The following PRRG1 variants were observed in gnomAD, a reference collection of about 807,000 sequenced individuals.
PRRG1 encodes proline rich and Gla domain 1.
In PRRG1, 5 loss-of-function variants were observed where a neutral mutation model predicts 11.8. That is an observed-to-expected ratio of 0.42 (90% CI 0.22 to 0.89). The LOEUF is 0.89. PRRG1 is among the 40% of genes least tolerant of loss of function. The probability of loss-of-function intolerance (pLI) is 0.28; values close to 1 mark genes in which losing one functional copy is unlikely to be tolerated. For missense variants in PRRG1, 155 were observed against 166.1 expected, an observed-to-expected ratio of 0.93 and a Z score of 0.37; for synonymous variants, 66 against 60.4, an observed-to-expected ratio of 1.09 and a Z score of -0.43.
intron 1 of PRRG1, among the ~76,000 whole-genome samples, chrX:37,403,270 C>T (rs1458393038): frequency 2.7e-5 from 3 of 109,848 alleles, no homozygotes; most frequent in African/African-American, 6.6e-5. Flanking sequence ...GAAAATGTGG[C>T]ACATATACAC....
intron 1 of PRRG1, among the ~76,000 whole-genome samples, chrX:37,354,048 C>A (rs1348983887): frequency 8.9e-6 from 1 of 112,446 alleles, no homozygotes; most frequent in African/African-American, 3.2e-5. Context: ...AGCTCCAGTT[C>A]TGTATTTGTA....
intron 3 of PRRG1, among the ~76,000 whole-genome samples, chrX:37,430,017 TC>T (rs1235313053): frequency 9.0e-6 from 1 of 111,346 alleles, no homozygotes; most frequent in Non-Finnish European, 1.9e-5. Context: ...TTCAATTACC[TC>T]CCCCAGGCCC....
intron 1 of PRRG1, among the ~76,000 whole-genome samples, chrX:37,401,330 A>G (rs1931968407): frequency 9.0e-6 from 1 of 111,250 alleles, no homozygotes; most frequent in Non-Finnish European, 1.9e-5. Flanking sequence ...CTGGTTCAAT[A>G]TACGCAAATC....
chrX:37,410,313 A>G (rs1932317954), intron 2 of PRRG1, among the ~76,000 whole-genome samples: 1 of 112,081 alleles, frequency 8.9e-6, no homozygotes, highest in Non-Finnish European at 1.9e-5. Context: ...TGAGGCTCAT[A>G]AGAAAAAGTC....
chrX:37,381,149 C>G (rs782206767), intron 1 of PRRG1, among the ~76,000 whole-genome samples: 1 of 111,591 alleles, frequency 9.0e-6, no homozygotes, highest in South Asian at 3.8e-4. Flanking sequence ...GAGTGACCAT[C>G]TGACATTGGT....
intron 1 of PRRG1, among the ~76,000 whole-genome samples, chrX:37,367,338 TCTA>T (rs782595530): frequency 4.8e-4 from 54 of 112,605 alleles, no homozygotes; most frequent in African/African-American, 1.6e-3. Context: ...CAAAATTTTG[TCTA>T]CTTTCTCTTG....
At position 37,384,238 on chromosome X, in the gene PRRG1, C is replaced by T. The variant is rs782584478; in HGVS notation, c.-41-21971C>T. ...CACTGAACTGCCCTGAGTTATATAC[C>T]GCTATATAATAGGGTTAAAACTCAT... On this transcript the variant is annotated intron_variant, in intron 1 of 3. Transcript: ENST00000378628. Among the ~76,000 whole-genome samples, 10 of 111,215 alleles carry T rather than the reference C, an allele frequency of 9.0e-5. No homozygotes were observed. The South Asian group carries it at 3.0e-3, about 34-fold the overall frequency.
intron 3 of PRRG1, 22 bp from the exon 4 acceptor site, chrX:37,453,114 T>G: frequency 8.7e-7 from 1 of 1,154,827 alleles, no homozygotes; most frequent in Non-Finnish European, 1.2e-6. Context: ...GATTTTCTAT[T>G]TATTTTGTAT....
chrX:37,354,770 A>G (rs1159138368), intron 1 of PRRG1, among the ~76,000 whole-genome samples: 1 of 111,218 alleles, frequency 9.0e-6, no homozygotes, highest in Non-Finnish European at 1.9e-5. Context: ...CTTGGATTTG[A>G]TGACCACAAG....
In PRRG1 at chrX:37,425,848, A is replaced by C; in HGVS notation, c.19A>C (p.Thr7Pro). 8.5e-7 allele frequency: 1 copy of C among 1,179,401 alleles called. No homozygotes were observed. Among genetic ancestry groups the C allele is most frequent in the Non-Finnish European group, 1.1e-6 (1 of 880,660 alleles). The change falls in exon 3 of 4, where the codon ACG becomes CCG. Residue 7 changes from threonine to proline, a missense_variant. Coordinates refer to ENST00000378628, the MANE Select transcript of PRRG1 (RefSeq NM_001142395.2). ...CTTATATTTCTTTTTAGTTTTCCTC[A>C]CGGGAGAAAAAGCCAATTCCATATT... MGRVFL[T>P]GEKANSILKR...
intron 2 of PRRG1, among the ~76,000 whole-genome samples, chrX:37,411,428 C>A (rs1201512225): frequency 1.8e-5 from 2 of 111,951 alleles, no homozygotes; most frequent in East Asian, 5.6e-4. Context: ...GACCAACTGG[C>A]ATATTCATGA....
intron 3 of PRRG1, among the ~76,000 whole-genome samples, chrX:37,434,044 T>G (rs185006424): frequency 1.1e-3 from 126 of 112,384 alleles, no homozygotes; most frequent in African/African-American, 3.7e-3. Flanking sequence ...ATCTTGGCAG[T>G]GAAGAAAATG....
intron 1 of PRRG1, among the ~76,000 whole-genome samples, chrX:37,375,669 C>G: frequency 9.0e-6 from 1 of 111,265 alleles, no homozygotes; most frequent in Non-Finnish European, 1.9e-5. Context: ...TCCGTGGATA[C>G]TCAGGAACCA....
chrX:37,394,487 G>A (rs1386378973), intron 1 of PRRG1, among the ~76,000 whole-genome samples: 1 of 112,057 alleles, frequency 8.9e-6, no homozygotes, highest in Admixed American at 9.5e-5. Context: ...TTATAGTCAT[G>A]TTGTGTCCAA....
chrX:37,365,122 A>G (rs1556368879), intron 1 of PRRG1, among the ~76,000 whole-genome samples: 3 of 112,061 alleles, frequency 2.7e-5, no homozygotes, highest in Non-Finnish European at 5.6e-5. Flanking sequence ...ACAAAGGAGG[A>G]CAAATGCGGG....
At chrX:37,403,681 ATC>A in intron 1 of PRRG1, 1 of 543,580 alleles carries the variant, frequency 1.8e-6, no homozygotes, top group African/African-American at 2.7e-5. Context: ...AATAAAATGA[ATC>A]TTAACACACA....
chrX:37,420,898 ATAAAC>A (rs1932644690), intron 2 of PRRG1, among the ~76,000 whole-genome samples: 1 of 110,133 alleles, frequency 9.1e-6, no homozygotes, highest in South Asian at 3.9e-4. Context: ...AAATAAATAA[ATAAAC>A]TAAGGCATCC....
chrX:37,444,591 A>G (rs1273329857), intron 3 of PRRG1, among the ~76,000 whole-genome samples: 2 of 111,931 alleles, frequency 1.8e-5, no homozygotes, highest in Admixed American at 9.5e-5. Context: ...TGTGGTAGCT[A>G]TGAGTTATCA....
At position 37,425,879 on chromosome X, in the gene PRRG1, G is replaced by A. The variant is rs1556388251; in HGVS notation, c.50G>A (p.Arg17His). The change falls in exon 3 of 4, where the codon CGC (arginine) becomes CAC (histidine). Residue 17 changes from arginine (R) to histidine (H), a missense_variant. Physicochemically the swap from Arg to His is conservative, Grantham distance 29. Coordinates refer to ENST00000378628, the MANE Select transcript of PRRG1 (RefSeq NM_001142395.2). ...TGEKANSILKRYPRANGFFEE... is the reference protein window; with the variant it reads ...TGEKANSILKHYPRANGFFEE... ...GAAAAAGCCAATTCCATATTAAAAC[G>A]CTACCCAAGAGCTAATGGGTTTTTT... 5.9e-6 allele frequency: 7 copies of A among 1,196,510 alleles called. No homozygotes were observed. Among genetic ancestry groups the A allele is most frequent in the Non-Finnish European group, 6.8e-6 (6 of 887,524 alleles).
Sources: allele counts gnomAD v4.1 joint callset (sites outside exome capture counted in the v4.1 genomes callset), GRCh38; gene constraint gnomAD v4.1.1; transcripts MANE v1.5; gene names NCBI Gene and HGNC (gene_info 2026-07-23, HGNC 2026-07-21).